Variants in ARHGEF4 observed in about 807,000 individuals in gnomAD.
The protein encoded by ARHGEF4 is Rho guanine nucleotide exchange factor 4, also known as APC-stimulated guanine nucleotide exchange factor 1.
A neutral mutation model predicts 162.0 loss-of-function variants in ARHGEF4; 119 were observed. The ratio of observed to expected loss-of-function variants is 0.73; its 90% CI spans 0.63 to 0.86. The LOEUF (loss-of-function observed/expected upper bound fraction) is 0.86. ARHGEF4 is among the 40% of genes least tolerant of loss of function. The pLI, the probability that ARHGEF4 is intolerant of heterozygous loss-of-function variation, is 0.00. For missense variants in ARHGEF4, 2,488 were observed against 2,456.0 expected (o/e 1.01, Z -0.28); for synonymous variants, 1,014 against 979.9 (o/e 1.03, Z -0.65).
Position 131,044,590 on chromosome 2 carries a change from G to A in ARHGEF4, c.5401+48G>A, listed in dbSNP as rs377501158. The A allele has an allele frequency of 8.3e-4, 1,270 of 1,523,152 alleles. 9 individuals carry two copies. In the African/African-American group the frequency reaches 0.015, roughly 19 times the overall value. 94.4% of individuals were successfully genotyped at this position (1,523,152 alleles called of 1,614,324 possible). ...GCCCCGCCCCCAGGGCCCACCCGGC[G>A]CTCCCGCCTGCCTGGCCGCCTGCCG... On this transcript the variant is annotated intron_variant, in intron 12 of 13. Coordinates refer to ENST00000409359, the MANE Select transcript of ARHGEF4 (RefSeq NM_001367493.1).
At chr2:131,045,035 G>GT (rs759047229) in intron 12 of ARHGEF4, among the ~76,000 whole-genome samples, 4 of 152,204 alleles carry the variant, frequency 2.6e-5, no homozygotes, top group Non-Finnish European at 5.9e-5. Flanking sequence ...ACCCGCCACA[G>GT]TGACCAGGTC....
intron 4 of ARHGEF4, among the ~76,000 whole-genome samples, chr2:130,991,540 C>A (rs1275239919): frequency 2.0e-5 from 3 of 152,296 alleles, no homozygotes; most frequent in Non-Finnish European, 4.4e-5. Flanking sequence ...GCACTCGGAG[C>A]AGCCGGCCGG....
Position 130,916,429 on chromosome 2 carries a change from G to C in ARHGEF4, c.2483G>C (p.Gly828Ala), listed in dbSNP as rs1331468713. 3 of 1,537,334 alleles carry C rather than the reference G, an allele frequency of 2.0e-6. No homozygotes were observed. The highest frequency in any genetic ancestry group is 2.7e-5 in the African/African-American group (2 of 72,800). ...TTEGRRWGSSGPEGLPRENPP... is the reference protein window; with the variant it reads ...TTEGRRWGSSAPEGLPRENPP... ...GAGGGTCGCCGCTGGGGCTCTTCAG[G>C]CCCCGAGGGGCTCCCCAGGGAGAAT... Residue 828 changes from glycine (G) to alanine (A), a missense_variant, in exon 2 of 14, where the codon GGC becomes GCC. This residue lies in a region of ARHGEF4 where 1,642 missense variants were observed against 1,481.5 expected (regional missense o/e 1.11). Transcript: ENST00000409359.
intron 4 of ARHGEF4, among the ~76,000 whole-genome samples, chr2:130,965,424 A>C (rs923195511): frequency 6.6e-6 from 1 of 152,252 alleles, no homozygotes; most frequent in Non-Finnish European, 1.5e-5. Flanking sequence ...AAAGTTGAAT[A>C]ATCCAGCTGT....
At chr2:130,838,988 G>T (rs963658715) in intron 1 of ARHGEF4, among the ~76,000 whole-genome samples, 9 of 149,828 alleles carry the variant, frequency 6.0e-5, no homozygotes, top group African/African-American at 2.2e-4. Flanking sequence ...TATTCAGAGA[G>T]GCCTTTCCAT....
At chr2:131,020,239 G>T (rs1026665671) in intron 4 of ARHGEF4, among the ~76,000 whole-genome samples, 4 of 151,790 alleles carry the variant, frequency 2.6e-5, no homozygotes, top group Non-Finnish European at 5.9e-5. Flanking sequence ...TGCACAATGT[G>T]CAGGTTTGTT....
chr2:130,992,304 T>C (rs543426630), intron 4 of ARHGEF4, among the ~76,000 whole-genome samples: 225 of 152,226 alleles, frequency 1.5e-3, no homozygotes, highest in African/African-American at 5.0e-3. Context: ...CCTTCCACAC[T>C]GTGGAAGCTT....
chr2:130,979,901 G>T (rs1279697029), intron 4 of ARHGEF4, among the ~76,000 whole-genome samples: 1 of 150,098 alleles, frequency 6.7e-6, no homozygotes, highest in Non-Finnish European at 1.5e-5. Context: ...CTTTGATAGA[G>T]AGGAAACTTT....
chr2:130,982,402 A>T (rs1352927457), intron 4 of ARHGEF4, among the ~76,000 whole-genome samples: 1 of 151,562 alleles, frequency 6.6e-6, no homozygotes, highest in African/African-American at 2.4e-5. Flanking sequence ...AGAATGCTTT[A>T]CTATCTAAAC....
chr2:131,008,271 G>A (rs1415077927), intron 4 of ARHGEF4, among the ~76,000 whole-genome samples: 1 of 152,114 alleles, frequency 6.6e-6, no homozygotes, highest in Admixed American at 6.6e-5. Flanking sequence ...ACATACTTGT[G>A]TGCTTTTCTG....
chr2:130,841,285 C>T (rs574498145), intron 1 of ARHGEF4, among the ~76,000 whole-genome samples: 2 of 151,732 alleles, frequency 1.3e-5, no homozygotes, highest in South Asian at 2.1e-4. Context: ...AGGCTGGTCT[C>T]GAACTCCTGA....
chr2:130,948,468 G>GGGAGAGGAATCTTTCC (rs1683757864), intron 4 of ARHGEF4, among the ~76,000 whole-genome samples: 1 of 152,240 alleles, frequency 6.6e-6, no homozygotes. Flanking sequence ...ACAGTAACCA[G>GGGAGAGGAATCTTTCC]GGAGAGGAAT....
At position 130,885,483 on chromosome 2, in the gene ARHGEF4, A is replaced by C. The variant is rs949677036; in HGVS notation, c.40-28503A>C. Reference sequence around the variant, plus strand: ...CTCATCGTAATACTGTTACAATGGCAACTAAGTTTCCCACACATGCTTTTT... The same window carrying C: ...CTCATCGTAATACTGTTACAATGGCCACTAAGTTTCCCACACATGCTTTTT... On this transcript the variant is annotated intron_variant, in intron 1 of 13. Coordinates refer to ENST00000409359, the MANE Select transcript of ARHGEF4 (RefSeq NM_001367493.1). 7.3e-5 allele frequency among the ~76,000 whole-genome samples: 11 copies of C among 151,700 alleles called. 1 individual carries two copies. Among genetic ancestry groups the C allele is most frequent in the African/African-American group, 2.4e-4 (10 of 41,136 alleles).
At chr2:131,018,855 C>T (rs755834432) in intron 4 of ARHGEF4, among the ~76,000 whole-genome samples, 4 of 152,064 alleles carry the variant, frequency 2.6e-5, no homozygotes, top group Non-Finnish European at 4.4e-5. Context: ...CTGTCTTTTC[C>T]CTCACAGTGT....
At chr2:130,855,590 T>G (rs772586698) in intron 1 of ARHGEF4, among the ~76,000 whole-genome samples, 2 of 152,116 alleles carry the variant, frequency 1.3e-5, no homozygotes, top group Non-Finnish European at 2.9e-5. Context: ...GCCCAGGTTT[T>G]TATTGGGGTC....
intron 4 of ARHGEF4, among the ~76,000 whole-genome samples, chr2:131,014,497 A>G (rs1688653401): frequency 1.3e-5 from 2 of 152,242 alleles, no homozygotes; most frequent in Non-Finnish European, 2.9e-5. Context: ...CTATGCATCC[A>G]TTTGGAAGCA....
At chr2:130,855,546 G>C (rs1427057242) in intron 1 of ARHGEF4, among the ~76,000 whole-genome samples, 1 of 152,188 alleles carries the variant, frequency 6.6e-6, no homozygotes, top group Non-Finnish European at 1.5e-5. Context: ...CCCACGTGAA[G>C]TGTTACAACC....
chr2:130,964,910 T>A (rs1342434814), intron 4 of ARHGEF4, among the ~76,000 whole-genome samples: 1 of 152,242 alleles, frequency 6.6e-6, no homozygotes, highest in African/African-American at 2.4e-5. Context: ...ATTTTGTCCC[T>A]AAATATTAAT....
chr2:130,848,030 G>A (rs993403673), intron 1 of ARHGEF4, among the ~76,000 whole-genome samples: 2 of 152,236 alleles, frequency 1.3e-5, no homozygotes, highest in African/African-American at 4.8e-5. Context: ...GGTTGCAGGG[G>A]CTCTTCCAGA....
Sources: allele counts gnomAD v4.1 joint callset (sites outside exome capture counted in the v4.1 genomes callset), GRCh38; gene constraint gnomAD v4.1.1; regional missense constraint gnomAD v4.1.1; transcripts MANE v1.5; gene names NCBI Gene and HGNC (gene_info 2026-07-23, HGNC 2026-07-21).